The following DCAF8L2 variants were observed in gnomAD, a reference collection of about 807,000 sequenced individuals.
DCAF8L2 encodes the protein DDB1 and CUL4 associated factor 8 like 2, also known as DDB1- and CUL4-associated factor 8-like protein 2.
For missense variants in DCAF8L2, 430 were observed against 490.7 expected (o/e 0.88, Z 1.17); for synonymous variants, 200 against 190.9 (o/e 1.05, Z -0.39).
the DCAF8L2 span, among the ~76,000 whole-genome samples, chrX:27,497,632 G>A: frequency 1.2e-3 from 123 of 106,791 alleles, 1 homozygote; most frequent in South Asian, 0.049. Context: ...GCAGTGGGGC[G>A]ATCTCCGCTC....
the DCAF8L2 span, among the ~76,000 whole-genome samples, chrX:27,484,718 C>G: frequency 2.0e-3 from 225 of 111,176 alleles, no homozygotes; most frequent in African/African-American, 6.9e-3. Context: ...CTATATTAGG[C>G]ACACAGACAT....
the DCAF8L2 span, among the ~76,000 whole-genome samples, chrX:27,533,184 A>AGAGAGAGAGAG: frequency 5.0e-5 from 1 of 19,919 alleles, no homozygotes; most frequent in Admixed American, 7.2e-4. Context: ...GAAAGAAAGA[A>AGAGAGAGAGAG]AGAAAGAAAG....
chrX:27,709,480 CAA>C (rs1163495703), intron 3 of DCAF8L2, among the ~76,000 whole-genome samples: 2 of 112,017 alleles, frequency 1.8e-5, no homozygotes, highest in Non-Finnish European at 3.8e-5. Flanking sequence ...ACACCACAAA[CAA>C]TAAAATATTA....
chrX:27,492,394 C>G, the DCAF8L2 span, among the ~76,000 whole-genome samples: 1 of 111,654 alleles, frequency 9.0e-6, no homozygotes, highest in African/African-American at 3.3e-5. Context: ...TTTGGGTCGA[C>G]CTAAGTTTCA....
At chrX:27,587,985 A>AAAAAAAATATATAT, upstream of DCAF8L2, among the ~76,000 whole-genome samples, 6 of 22,361 alleles carry the variant, frequency 2.7e-4, no homozygotes, top group African/African-American at 5.9e-4. Flanking sequence ...TAAAAAAAAA[A>AAAAAAAATATATAT]ATATATATAT....
the DCAF8L2 span, among the ~76,000 whole-genome samples, chrX:27,539,225 T>C: frequency 3.6e-5 from 4 of 111,905 alleles, no homozygotes; most frequent in Admixed American, 9.5e-5. Flanking sequence ...ATATTTGATT[T>C]ATATCAAAAA....
At chrX:27,686,658 A>C (rs1602734959) in intron 3 of DCAF8L2, among the ~76,000 whole-genome samples, 1 of 111,748 alleles carries the variant, frequency 8.9e-6, no homozygotes, top group African/African-American at 3.3e-5. Flanking sequence ...AGTGTTCAAA[A>C]GCAGAGTAGG....
chrX:27,587,985 A>AATATATATATATATATATATATATATAT (rs202098791), upstream of DCAF8L2, among the ~76,000 whole-genome samples: 2 of 22,364 alleles, frequency 8.9e-5, no homozygotes, highest in African/African-American at 2.0e-4. Flanking sequence ...TAAAAAAAAA[A>AATATATATATATATATATATATATATAT]ATATATATAT....
intron 2 of DCAF8L2, chrX:27,633,373 G>A (rs947206022): frequency 8.9e-6 from 1 of 111,791 alleles, no homozygotes; most frequent in African/African-American, 3.3e-5. Context: ...CCAGGAAATT[G>A]TACAGCATAA....
chrX:27,567,847 T>C, the DCAF8L2 span, among the ~76,000 whole-genome samples: 1 of 109,445 alleles, frequency 9.1e-6, no homozygotes, highest in Non-Finnish European at 1.9e-5. Context: ...AATAGCTGAT[T>C]AGTTAAGTAT....
At position 27,672,412 on chromosome X, in the gene DCAF8L2, C is replaced by T. The variant is rs764557310; in HGVS notation, c.-219-5424C>T. Among the ~76,000 whole-genome samples, 13 of 112,023 alleles carry T rather than the reference C, an allele frequency of 1.2e-4. No individual in the cohort carries two copies. The East Asian group carries it at 2.5e-3, about 22-fold the overall frequency. On this transcript the variant is annotated intron_variant, in intron 2 of 4. Transcript: ENST00000451261. ...TAAAATACAACATTTGCCAAGCATA[C>T]CACTCAAGAAGATGAAGAACACTAC...
intron 4 of DCAF8L2, among the ~76,000 whole-genome samples, chrX:27,738,018 TC>T (rs772500726): frequency 9.0e-6 from 1 of 111,731 alleles, no homozygotes; most frequent in East Asian, 2.8e-4. Context: ...GTCTTTTAAA[TC>T]CTTAAACCCA....
At chrX:27,608,128 A>G (rs1602650198) in intron 1 of DCAF8L2, among the ~76,000 whole-genome samples, 1 of 111,813 alleles carries the variant, frequency 8.9e-6, no homozygotes, top group African/African-American at 3.2e-5. Flanking sequence ...AGGTAAATAT[A>G]TAAAGTTATA....
Position 27,607,589 on chromosome X carries a change from G to GA in DCAF8L2, c.-342+17151dup, listed in dbSNP as rs773355474. 4.8e-3 allele frequency among the ~76,000 whole-genome samples: 534 copies of GA among 111,311 alleles called. 5 individuals are homozygous for GA. The highest frequency in any genetic ancestry group is 0.017 in the African/African-American group (511 of 30,599). On this transcript the variant is annotated intron_variant, in intron 1 of 4. Coordinates refer to ENST00000451261, the MANE Select transcript of DCAF8L2 (RefSeq NM_001353450.2). Reference sequence around the variant, plus strand: ...CTGTGTTTCATGGCATTTTCACTTTGAATACTAACCTACCATGACACAGAT... The same window carrying GA: ...CTGTGTTTCATGGCATTTTCACTTTGAAATACTAACCTACCATGACACAGAT...
At chrX:27,667,072 A>G (rs1303323695) in intron 2 of DCAF8L2, among the ~76,000 whole-genome samples, 1 of 108,543 alleles carries the variant, frequency 9.2e-6, no homozygotes, top group Non-Finnish European at 1.9e-5. Context: ...CACACTTGGA[A>G]TAGTGAGCCT....
chrX:27,692,647 A>T (rs1442606434), intron 3 of DCAF8L2, among the ~76,000 whole-genome samples: 3 of 111,647 alleles, frequency 2.7e-5, no homozygotes, highest in Non-Finnish European at 3.8e-5. Context: ...AGGTTTCATG[A>T]CTCTAAGCAG....
At chrX:27,524,137 C>T in the DCAF8L2 span, among the ~76,000 whole-genome samples, 1 of 111,480 alleles carries the variant, frequency 9.0e-6, no homozygotes, top group African/African-American at 3.3e-5. Context: ...TGGTAGAACT[C>T]GGCTGTGAAT....
chrX:27,658,202 T>C (rs1929423925), intron 2 of DCAF8L2, among the ~76,000 whole-genome samples: 1 of 112,552 alleles, frequency 8.9e-6, no homozygotes, highest in Non-Finnish European at 1.9e-5. Flanking sequence ...TTTCATATTG[T>C]TCCTCATTGT....
chrX:27,543,760 G>C, the DCAF8L2 span, among the ~76,000 whole-genome samples: 1 of 111,618 alleles, frequency 9.0e-6, no homozygotes, highest in Non-Finnish European at 1.9e-5. Flanking sequence ...GAAGAACAGG[G>C]ATTCTAGTTT....
Sources: gnomAD v4.1 joint callset for allele counts (sites outside exome capture counted in the v4.1 genomes callset) on GRCh38, gnomAD v4.1.1 for gene constraint, MANE v1.5 for transcripts, NCBI Gene and HGNC (gene_info 2026-07-23, HGNC 2026-07-21) for gene names.